ROBO2: variants seen among roughly 807,000 people sequenced by gnomAD.
ROBO2 encodes the protein roundabout homolog 2.
ROBO2 carries 53 observed loss-of-function variants against 160.8 expected under a neutral mutation model. The ratio of observed to expected loss-of-function variants is 0.33; its 90% confidence interval spans 0.26 to 0.41. The LOEUF (loss-of-function observed/expected upper bound fraction) is 0.41, where lower values mean the gene tolerates loss of function less well. Ranked by LOEUF, ROBO2 falls within the 10% of genes least tolerant of loss-of-function variation. The pLI, the probability that ROBO2 is intolerant of heterozygous loss-of-function variation, is 1.00. For missense variants in ROBO2, 1,577 were observed against 1,722.4 expected (o/e 0.92, Z 1.49); for synonymous variants, 664 against 611.7 (o/e 1.09, Z -1.26).
intron 2 of ROBO2, among the ~76,000 whole-genome samples, chr3:76,590,048 A>G (rs1258322907): frequency 2.6e-5 from 4 of 152,186 alleles, no homozygotes; most frequent in African/African-American, 9.6e-5. Context: ...TGTGTATAGA[A>G]AATACGATGG....
chr3:77,142,098 T>G (rs1385644388), intron 2 of ROBO2, among the ~76,000 whole-genome samples: 1 of 152,200 alleles, frequency 6.6e-6, no homozygotes, highest in South Asian at 2.1e-4. Context: ...TTTCTCTCTC[T>G]CTCTCTTTCC....
chr3:76,531,488 TA>T (rs950609974), intron 2 of ROBO2, among the ~76,000 whole-genome samples: 69 of 151,780 alleles, frequency 4.5e-4, no homozygotes, highest in Admixed American at 2.0e-3. Flanking sequence ...ATATATTTTT[TA>T]ATTAACTTAT....
intron 2 of ROBO2, among the ~76,000 whole-genome samples, chr3:76,686,502 C>T (rs2092688242): frequency 6.7e-6 from 1 of 149,164 alleles, no homozygotes. Flanking sequence ...ATATTCTCTC[C>T]TTCAAAACAG....
intron 2 of ROBO2, among the ~76,000 whole-genome samples, chr3:76,392,666 C>T (rs1387183040): frequency 6.6e-6 from 1 of 152,096 alleles, no homozygotes; most frequent in Admixed American, 6.6e-5. Context: ...AATTTTTTCT[C>T]ATCATGAAAC....
intron 2 of ROBO2, among the ~76,000 whole-genome samples, chr3:76,567,198 C>T (rs144834064): frequency 6.6e-6 from 1 of 152,040 alleles, no homozygotes; most frequent in Non-Finnish European, 1.5e-5. Flanking sequence ...TAGCAATAAC[C>T]TTGAAGAAAC....
At chr3:77,576,152 G>A (rs772464604) in intron 14 of ROBO2, among the ~76,000 whole-genome samples, 9 of 152,172 alleles carry the variant, frequency 5.9e-5, no homozygotes, top group Admixed American at 2.0e-4. Flanking sequence ...TACAAGGCTC[G>A]TAGACAAGTG....
intron 6 of ROBO2, among the ~76,000 whole-genome samples, 186 bp from the exon 7 acceptor site, chr3:77,527,217 A>C (rs1238769833): frequency 6.6e-6 from 1 of 151,486 alleles, no homozygotes; most frequent in Non-Finnish European, 1.5e-5. Context: ...ATTTTCCTAG[A>C]ATTATATTTA....
Position 77,505,026 on chromosome 3 carries a change from T to C in ROBO2, c.806+11644T>C, listed in dbSNP as rs115705528. Among the ~76,000 whole-genome samples, 352 of 152,274 alleles carry C rather than the reference T, an allele frequency of 2.3e-3. 2 individuals carry two copies. The highest frequency in any genetic ancestry group is 7.5e-3 in the African/African-American group (311 of 41,566). Reference sequence around the variant, plus strand: ...TTAGTGATTCGGTTTGCCTGGAACATGGAGGAGTGGCACTTAAGGCCACAA... The same window carrying C: ...TTAGTGATTCGGTTTGCCTGGAACACGGAGGAGTGGCACTTAAGGCCACAA... On this transcript the variant is annotated intron_variant, in intron 5 of 25. Transcript: ENST00000461745.
At chr3:76,499,462 CT>C (rs2080342454) in intron 2 of ROBO2, among the ~76,000 whole-genome samples, 2 of 152,192 alleles carry the variant, frequency 1.3e-5, no homozygotes, top group Non-Finnish European at 2.9e-5. Flanking sequence ...ATACACTCCA[CT>C]TCCTTCTCAA....
rs554535125 is a variant in ROBO2 at position 76,216,829 on chromosome 3, C to T, written c.109+279227C>T. On this transcript the variant is annotated intron_variant, in intron 2 of 26. Transcript: ENST00000487694. ...GCGGACCTAATAGACATCTACAGAACTCTCCACCCAAAATCAACAGAATAT... is the reference window on the plus strand; with the variant it reads ...GCGGACCTAATAGACATCTACAGAATTCTCCACCCAAAATCAACAGAATAT... Among the ~76,000 whole-genome samples the T allele has an allele frequency of 1.1e-4, 16 of 152,320 alleles. No homozygotes were observed. The South Asian group carries it at 3.1e-3, about 30-fold the overall frequency.
At chr3:76,042,323 T>C (rs961769414) in intron 2 of ROBO2, among the ~76,000 whole-genome samples, 3 of 152,058 alleles carry the variant, frequency 2.0e-5, no homozygotes, top group Non-Finnish European at 2.9e-5. Context: ...CAGTAGTAGA[T>C]GTTTCCAGGT....
intron 2 of ROBO2, among the ~76,000 whole-genome samples, chr3:76,951,384 C>T (rs1192659267): frequency 6.6e-6 from 1 of 152,142 alleles, no homozygotes; most frequent in African/African-American, 2.4e-5. Context: ...CTCACTCATC[C>T]CATTCCAATA....
Position 76,717,187 on chromosome 3 carries a change from G to A in ROBO2, c.110-380827G>A, listed in dbSNP as rs115712121. ...TCTGTTCATCATTTCTTCATGAAAG[G>A]TAGCTTGAAGAAAAGCCCCACTATG... On this transcript the variant is annotated intron_variant, in intron 2 of 26. Transcript: ENST00000487694. Among the ~76,000 whole-genome samples, 1,427 of 152,124 alleles carry A rather than the reference G, an allele frequency of 9.4e-3. 27 individuals are homozygous for A. Among genetic ancestry groups the A allele is most frequent in the African/African-American group, 0.033 (1,351 of 41,486 alleles).
At chr3:76,488,960 C>A (rs1042263761) in intron 2 of ROBO2, among the ~76,000 whole-genome samples, 10 of 151,450 alleles carry the variant, frequency 6.6e-5, no homozygotes, top group South Asian at 6.3e-4. Flanking sequence ...GGTGAGAGGG[C>A]AAAATCTGAT....
intron 2 of ROBO2, among the ~76,000 whole-genome samples, chr3:76,314,293 A>C (rs1204725845): frequency 6.6e-6 from 1 of 152,164 alleles, no homozygotes; most frequent in African/African-American, 2.4e-5. Context: ...GAATTACAGA[A>C]GCTAATTATT....
chr3:77,493,403 G>C (rs761866739), intron 5 of ROBO2, 21 bp downstream of exon 5: 4 of 1,612,926 alleles, frequency 2.5e-6, no homozygotes, highest in Non-Finnish European at 3.4e-6. Context: ...CATATGGATG[G>C]AAGATTGTTA....
At chr3:76,638,047 T>C (rs551374946) in intron 2 of ROBO2, among the ~76,000 whole-genome samples, 2 of 152,164 alleles carry the variant, frequency 1.3e-5, no homozygotes, top group South Asian at 4.1e-4. Context: ...GTTTAAAAAA[T>C]TGCAGTTTAT....
intron 2 of ROBO2, among the ~76,000 whole-genome samples, chr3:77,383,422 T>C (rs1021568251): frequency 2.0e-5 from 3 of 152,046 alleles, no homozygotes; most frequent in African/African-American, 7.2e-5. Flanking sequence ...TTAATTAAAA[T>C]ATTTATTTTT....
At chr3:77,564,713 A>G (rs1368627851) in intron 11 of ROBO2, 2 of 586,530 alleles carry the variant, frequency 3.4e-6, no homozygotes, top group Non-Finnish European at 6.2e-6. Context: ...AAGGGCTGTC[A>G]CATCTCCTGG....
Sources: allele counts gnomAD v4.1 joint callset (sites outside exome capture counted in the v4.1 genomes callset), GRCh38; gene constraint gnomAD v4.1.1; transcripts MANE v1.5; gene names NCBI Gene and HGNC (gene_info 2026-07-23, HGNC 2026-07-21).